Variants in CHRD observed in about 807,000 individuals in gnomAD.
The protein encoded by CHRD is chordin.
Under a neutral mutation model 113.7 loss-of-function variants are expected in CHRD, and 69 were observed. That is an observed-to-expected ratio of 0.61 (90% CI 0.50 to 0.74). CHRD has a LOEUF of 0.74. CHRD is among the 30% of genes least tolerant of loss of function. The probability of loss-of-function intolerance (pLI) is 0.00; values close to 1 mark genes in which losing one functional copy is unlikely to be tolerated. For missense variants in CHRD, 1,194 were observed against 1,295.8 expected (o/e 0.92, Z 1.21); for synonymous variants, 561 against 540.8 (o/e 1.04, Z -0.52).
rs377545047 is a variant in CHRD, at chr3:184,386,522, G to A, written c.1963G>A (p.Gly655Arg). 28 of 1,538,552 alleles carry A rather than the reference G, an allele frequency of 1.8e-5. No homozygotes were observed. Among genetic ancestry groups the A allele is most frequent in the African/African-American group, 2.8e-5 (2 of 71,882 alleles). ...CATAGCCAACCAATGTGAGGTTGGC[G>A]GACTGCGCCTGGAGGCGGCCGGGGC... is the stretch of plus-strand genomic sequence containing the variant. Residue 655 changes from glycine (G) to arginine (R), a missense_variant, in exon 16 of 23, where the codon GGA becomes AGA. Gly to Arg is a moderately radical substitution (Grantham distance 125, BLOSUM62 -2). Coordinates refer to ENST00000204604, the Ensembl canonical transcript of CHRD.
In CHRD at chr3:184,384,711, T is replaced by C. The variant is rs1389405374; in HGVS notation, c.1597+18T>C. On this transcript the variant is annotated intron_variant, in intron 13 of 22. Coordinates refer to ENST00000204604, the Ensembl canonical transcript of CHRD. This position sits in a 1 kb window ranked among gnomAD's most constrained non-coding sequence, Gnocchi z 4.4. ...CCATGACAGTGAGTGTCCTTAGGGG[T>C]CTGTCTGCCCTTTGGTTTCCTAGAA... is the stretch of plus-strand genomic sequence containing the variant. The C allele has an allele frequency of 6.6e-7, 1 of 1,526,670 alleles. No individual in the cohort carries two copies. The highest frequency in any genetic ancestry group is 8.8e-7 in the Non-Finnish European group (1 of 1,135,764). 94.6% of individuals were successfully genotyped at this position (1,526,670 alleles called of 1,614,324 possible).
At chr3:184,389,756 C>T in exon 23 of CHRD, 1 of 279,790 alleles carries the variant, frequency 3.6e-6, no homozygotes, top group Non-Finnish European at 6.9e-6. Context: ...CGACACTCCA[C>T]TCCTGCTGCC....
At position 184,387,195 on chromosome 3, in the gene CHRD, AG is replaced by A. The variant is rs530186163; in HGVS notation, c.2347+93del. ...GGGGGACAAGAAGGGGAGAGTATAT[AG>A]GGGGTGGCCTGAGGGGCACAGATTC... On this transcript the variant is annotated intron_variant, in intron 18 of 22. Coordinates refer to ENST00000204604, the Ensembl canonical transcript of CHRD. The surrounding 1 kb of genome is among the most constrained non-coding windows in gnomAD (Gnocchi z 6.1). The A allele has an allele frequency of 6.6e-3, 9,147 of 1,388,650 alleles. 48 individuals are homozygous for A. Among genetic ancestry groups the A allele is most frequent in the Non-Finnish European group, 8.3e-3 (8,105 of 980,182 alleles). 86.0% of individuals were successfully genotyped at this position (1,388,650 alleles called of 1,614,324 possible).
At chr3:184,389,053 A>G in intron 22 of CHRD, 58 bp downstream of exon 22, 1 of 1,226,856 alleles carries the variant, frequency 8.2e-7, no homozygotes, top group South Asian at 1.2e-5. Context: ...TGCCTGTGGG[A>G]CTCCTGATCA....
chr3:184,383,677 C>T (rs1314099171), intron 12 of CHRD, 35 bp downstream of exon 12: 12 of 1,571,362 alleles, frequency 7.6e-6, no homozygotes, highest in African/African-American at 1.4e-5. Flanking sequence ...CCCCAGGGCC[C>T]AATGCATGGG....
At chr3:184,383,726 A>C in intron 12 of CHRD, 84 bp downstream of exon 12, 3 of 1,323,468 alleles carry the variant, frequency 2.3e-6, no homozygotes, top group Non-Finnish European at 3.1e-6. Context: ...GATGTTCATT[A>C]TCATCCACTC....
At position 184,388,265 on chromosome 3, in the gene CHRD, ATCCATCCATCCATCCATCCG is replaced by A. The variant is rs1460138026; in HGVS notation, c.2554+238_2554+257del. 6.7e-6 allele frequency among the ~76,000 whole-genome samples: 1 copy of A among 150,312 alleles called. No individual in the cohort carries two copies. The highest frequency in any genetic ancestry group is 2.5e-5 in the African/African-American group (1 of 40,136). On this transcript the variant is annotated intron_variant, in intron 20 of 22. Transcript: ENST00000204604. This position sits in a 1 kb window ranked among gnomAD's most constrained non-coding sequence, Gnocchi z 6.1. ...CATCCATCCATCCATCCATCCATCC[ATCCATCCATCCATCCATCCG>A]TCCATTCATCTATCTATCCACCCAT... is the stretch of plus-strand genomic sequence containing the variant.
rs569519997 is a variant in CHRD, at chr3:184,380,825, C to T, written c.252+30C>T. The T allele has an allele frequency of 1.1e-5, 17 of 1,527,578 alleles. No individual in the cohort carries two copies. The East Asian group carries it at 3.7e-4, about 33-fold the overall frequency. 94.6% of individuals were successfully genotyped at this position (1,527,578 alleles called of 1,614,324 possible). On this transcript the variant is annotated intron_variant, in intron 2 of 22. Transcript: ENST00000204604. The surrounding 1 kb of genome is among the most constrained non-coding windows in gnomAD (Gnocchi z 6.3). ...GTGCACCCCGCGGCCGGCCCGGGCC[C>T]TGGCGGGTGGGGAGCGCCGGGTCGC...
chr3:184,389,227 C>A, intron 22 of CHRD, 140 bp from the exon 23 acceptor site: 1 of 727,648 alleles, frequency 1.4e-6, no homozygotes. Flanking sequence ...GAAGGTCACC[C>A]AGCTGTGTGC....
chr3:184,387,425 A>G lies in CHRD; in HGVS notation c.2399A>G (p.His800Arg), dbSNP rs750444995. 12 of 1,612,802 alleles carry G rather than the reference A, an allele frequency of 7.4e-6. No individual in the cohort carries two copies. The highest frequency in any genetic ancestry group is 1.0e-5 in the Non-Finnish European group (12 of 1,179,612). ...TGGCGGGCAGCGGGTACGCGGTGGC[A>G]CCCCGTTGTGCCCCCCTTTGGCTTA... The change falls in exon 19 of 23, where the codon CAC (histidine) becomes CGC (arginine). Residue 800 changes from histidine (H) to arginine (R), a missense_variant. His to Arg is a conservative substitution (Grantham distance 29, BLOSUM62 0). Coordinates refer to ENST00000204604, the Ensembl canonical transcript of CHRD. This position sits in a 1 kb window ranked among gnomAD's most constrained non-coding sequence, Gnocchi z 6.1.
In CHRD at chr3:184,381,891, G is replaced by C; in HGVS notation, c.612-42G>C. ...GAAACTGGGAGAGCTGGGAGGGGCT[G>C]CTTTTGGCTCAGTCCGGCCTCACCC... is the stretch of plus-strand genomic sequence containing the variant. On this transcript the variant is annotated intron_variant, in intron 5 of 22. Coordinates refer to ENST00000204604, the Ensembl canonical transcript of CHRD. This position sits in a 1 kb window ranked among gnomAD's most constrained non-coding sequence, Gnocchi z 4.7. The C allele has an allele frequency of 6.2e-7, 1 of 1,613,036 alleles. No homozygotes were observed. Among genetic ancestry groups the C allele is most frequent in the Non-Finnish European group, 8.5e-7 (1 of 1,179,608 alleles).
At chr3:184,382,215 G>A in intron 6 of CHRD, 174 bp from the exon 7 acceptor site, 1 of 1,222,768 alleles carries the variant, frequency 8.2e-7, no homozygotes, top group Non-Finnish European at 1.2e-6. Context: ...GCTAGTAAGT[G>A]GTGCAGCCAG....
intron 22 of CHRD, 105 bp downstream of exon 22, chr3:184,389,100 G>T (rs1176910687): frequency 2.5e-6 from 2 of 810,474 alleles, no homozygotes; most frequent in Admixed American, 4.5e-5. Flanking sequence ...GAACAGTGCA[G>T]CCTGCCTCAC....
In CHRD at chr3:184,380,875, C is replaced by A; in HGVS notation, c.252+80C>A. 1.8e-6 allele frequency: 2 copies of A among 1,112,310 alleles called. No individual in the cohort carries two copies. The highest frequency in any genetic ancestry group is 2.6e-6 in the Non-Finnish European group (2 of 778,130). The allele number at this position is 1,112,310 out of a possible 1,614,324, so 68.9% of individuals were successfully genotyped here. On this transcript the variant is annotated intron_variant, in intron 2 of 22. Transcript: ENST00000204604. This position sits in a 1 kb window ranked among gnomAD's most constrained non-coding sequence, Gnocchi z 6.3. The stretch of plus-strand genomic sequence containing the variant: ...CGCGGGCGTCGGAGTGGACTCGGAG[C>A]TGCTGAGAAGGAGCCCAGTCGGCAG...
At chr3:184,385,331 G>A in intron 14 of CHRD, 93 bp downstream of exon 14, 3 of 915,078 alleles carry the variant, frequency 3.3e-6, no homozygotes, top group Admixed American at 2.0e-5. Context: ...CAGAGAGCAG[G>A]CAGCCTGGTA....
chr3:184,381,436 C>T lies in CHRD; in HGVS notation c.383-60C>T, dbSNP rs974259217. ...TAGGTCCCGGGCCACTTGGATGGGGCGTCGGACTGGCCTTTCCCATGGCCA... is the reference window on the plus strand; with the variant it reads ...TAGGTCCCGGGCCACTTGGATGGGGTGTCGGACTGGCCTTTCCCATGGCCA... On this transcript the variant is annotated intron_variant, in intron 3 of 22. Transcript: ENST00000204604. The surrounding 1 kb of genome is among the most constrained non-coding windows in gnomAD (Gnocchi z 4.7). The T allele has an allele frequency of 6.3e-6, 10 of 1,596,720 alleles. No individual in the cohort carries two copies. The highest frequency in any genetic ancestry group is 1.1e-5 in the South Asian group (1 of 89,576).
At position 184,388,657 on chromosome 3, in the gene CHRD, TG is replaced by T. The variant is rs1223001111; in HGVS notation, c.2628del (p.Gln877SerfsTer19). ...ATGGGCCCCGGGGCTGCCGTTTTGC[TG>T]GGCAGTGGTTCCCAGAGAGTCAGAG... On this transcript the variant is annotated frameshift_variant, in exon 21 of 23. Transcript: ENST00000204604. LOFTEE classifies it high-confidence loss of function. The surrounding 1 kb of genome is among the most constrained non-coding windows in gnomAD (Gnocchi z 6.1). 6.2e-7 allele frequency: 1 copy of T among 1,613,900 alleles called. No homozygotes were observed. The highest frequency in any genetic ancestry group is 1.7e-5 in the Admixed American group (1 of 60,032).
intron 16 of CHRD, 30 bp downstream of exon 16, chr3:184,386,785 C>A: frequency 1.2e-6 from 2 of 1,613,610 alleles, no homozygotes; most frequent in Non-Finnish European, 8.5e-7. Flanking sequence ...CACACTGGGT[C>A]CTGGGATCTG....
Position 184,381,083 on chromosome 3 carries a change from C to T in CHRD, c.253-152C>T. 1 of 893,952 alleles carries T rather than the reference C, an allele frequency of 1.1e-6. No individual in the cohort carries two copies. The highest frequency in any genetic ancestry group is 1.8e-6 in the Non-Finnish European group (1 of 543,980). The allele number at this position is 893,952 out of a possible 1,614,324, so 55.4% of individuals were successfully genotyped here. On this transcript the variant is annotated intron_variant, in intron 2 of 22. Transcript: ENST00000204604. This position sits in a 1 kb window ranked among gnomAD's most constrained non-coding sequence, Gnocchi z 4.7. ...ATTATCCCCATTTTCCAGACAGGGA[C>T]CTTGAGGCCCAGAGAGATGAAGTAG...
Sources: allele counts gnomAD v4.1 joint callset (sites outside exome capture counted in the v4.1 genomes callset), GRCh38; gene constraint gnomAD v4.1.1; non-coding constraint Gnocchi (gnomAD v3.1); transcripts MANE v1.5; gene names NCBI Gene and HGNC (gene_info 2026-07-23, HGNC 2026-07-21).